The following AMACR variants were observed in gnomAD, a reference collection of about 807,000 sequenced individuals.
AMACR encodes alpha-methylacyl-CoA racemase.
A neutral mutation model predicts 22.2 loss-of-function variants in AMACR; 18 were observed. The observed-to-expected ratio is 0.81, with a 90% CI of 0.56 to 1.20. AMACR has a LOEUF of 1.20. AMACR is among the 50% of genes most tolerant of loss of function. The probability of loss-of-function intolerance (pLI) is 0.00; values close to 1 mark genes in which losing one functional copy is unlikely to be tolerated. For synonymous variants in AMACR, 213 were observed against 191.3 expected, an observed-to-expected ratio of 1.11 and a Z score of -0.94; for missense variants, 499 against 490.6, an observed-to-expected ratio of 1.02 and a Z score of -0.16.
chr5:33,987,737 C>T lies in AMACR; in HGVS notation c.*1356G>A, dbSNP rs1179085126. 6.6e-6 allele frequency: 1 copy of T among 152,196 alleles called. No homozygotes were observed. The highest frequency in any genetic ancestry group is 1.5e-5 in the Non-Finnish European group (1 of 68,050). 9.4% of individuals were successfully genotyped at this position (152,196 alleles called of 1,614,324 possible). ...TTGCACAGTGTCCAATAGGTGCATA[C>T]ATCTCCTTAGTAAGTAGTTGTGATT... is the stretch of plus-strand genomic sequence containing the variant. On this transcript the variant is annotated 3_prime_UTR_variant, in exon 5 of 5. Transcript: ENST00000335606.
chr5:33,997,693 A>G, intron 4 of AMACR: 1 of 638,818 alleles, frequency 1.6e-6, no homozygotes, highest in Non-Finnish European at 2.8e-6. Context: ...ACAGAGAGGT[A>G]CCCTTTATGA....
In AMACR at chr5:34,004,688, C is replaced by T. The variant is rs140523570; in HGVS notation, c.438G>A (p.Pro146=). ...IGRSGENPYA[P]LNLLADFAGG... Reference sequence around the variant, plus strand: ...CAGCAAAGTCAGCCAGGAGATTCAGCGGGGCATACGGATTCTCACCACTTC... The same window carrying T: ...CAGCAAAGTCAGCCAGGAGATTCAGTGGGGCATACGGATTCTCACCACTTC... The change falls in exon 3 of 5, where the codon CCG becomes CCA. Residue 146 remains proline (P), a synonymous_variant. Transcript: ENST00000335606. 632 of 1,614,130 alleles carry T rather than the reference C, an allele frequency of 3.9e-4. 4 individuals are homozygous for T. In the East Asian group the frequency reaches 0.013, roughly 33 times the overall value.
chr5:33,991,726 TTTA>T (rs60157743), intron 4 of AMACR, among the ~76,000 whole-genome samples: 125 of 145,198 alleles, frequency 8.6e-4, no homozygotes, highest in African/African-American at 2.5e-3. Flanking sequence ...TAAACACTAT[TTTA>T]TTATTATTAT....
chr5:34,006,212 G>T (rs1413320254), intron 1 of AMACR, among the ~76,000 whole-genome samples: 1 of 151,948 alleles, frequency 6.6e-6, no homozygotes, highest in Non-Finnish European at 1.5e-5. Context: ...TTTCTATACC[G>T]CATCAGTGTT....
chr5:33,986,982 T>A lies in AMACR; in HGVS notation c.*2111A>T, dbSNP rs1753310963. ...CTGGACCGAGTTCAAATGAAAAGTCTGAGTTGTAGGGAAAACATCTTTTTT... is the reference window on the plus strand; with the variant it reads ...CTGGACCGAGTTCAAATGAAAAGTCAGAGTTGTAGGGAAAACATCTTTTTT... On this transcript the variant is annotated 3_prime_UTR_variant, in exon 5 of 5. Transcript: ENST00000335606. The A allele has an allele frequency of 6.6e-6, 1 of 152,194 alleles. No individual in the cohort carries two copies. The highest frequency in any genetic ancestry group is 2.4e-5 in the African/African-American group (1 of 41,450). The allele number at this position is 152,194 out of a possible 1,614,324, so 9.4% of individuals were successfully genotyped here. A position where few individuals can be genotyped will look rare whatever the true frequency, so the allele number is the denominator to read the frequency against.
At chr5:33,997,887 G>A (rs954419769) in intron 4 of AMACR, among the ~76,000 whole-genome samples, 4 of 152,166 alleles carry the variant, frequency 2.6e-5, no homozygotes, top group Non-Finnish European at 1.5e-5. Context: ...ATAACTTTTA[G>A]TATATGCATC....
At position 33,988,276 on chromosome 5, in the gene AMACR, A is replaced by G; in HGVS notation, c.*817T>C. The G allele has an allele frequency of 6.5e-7, 1 of 1,527,070 alleles. No homozygotes were observed. The highest frequency in any genetic ancestry group is 8.8e-7 in the Non-Finnish European group (1 of 1,137,722). 94.6% of individuals were successfully genotyped at this position (1,527,070 alleles called of 1,614,324 possible). A position where few individuals can be genotyped will look rare whatever the true frequency, so the allele number is the denominator to read the frequency against. Reference sequence around the variant, plus strand: ...GTAACTTAACTCAGTCCAAGGAGACACAAAACGACTTGCTGGGGGGTCCTG... The same window carrying G: ...GTAACTTAACTCAGTCCAAGGAGACGCAAAACGACTTGCTGGGGGGTCCTG... On this transcript the variant is annotated 3_prime_UTR_variant, in exon 5 of 5. Coordinates refer to ENST00000335606, the MANE Select transcript of AMACR (RefSeq NM_014324.6).
In AMACR at chr5:33,988,740, G is replaced by A; in HGVS notation, c.*353C>T. On this transcript the variant is annotated 3_prime_UTR_variant, in exon 5 of 5. Coordinates refer to ENST00000335606, the MANE Select transcript of AMACR (RefSeq NM_014324.6). ...TTTTCTACATTGTAGAATCAAGAGT[G>A]TAAATAAATGTATATCGATGTCTTC... The A allele has an allele frequency of 2.5e-6, 3 of 1,195,572 alleles. No individual in the cohort carries two copies. The South Asian group carries it at 6.7e-5, about 27-fold the overall frequency. The allele number at this position is 1,195,572 out of a possible 1,614,324, so 74.1% of individuals were successfully genotyped here.
In AMACR at chr5:34,005,917, G is replaced by A. The variant is rs534775074; in HGVS notation, c.248-18C>T. 224 of 1,613,608 alleles carry A rather than the reference G, an allele frequency of 1.4e-4. 2 individuals are homozygous for A. The South Asian group carries it at 2.1e-3, about 15-fold the overall frequency. The stretch of plus-strand genomic sequence containing the variant: ...CATGACACCTTAAGAGAAAAGTAAC[G>A]ATCTTCTTAAGAGAGTATGAATTGA... On this transcript the variant is annotated intron_variant, in intron 1 of 4. Transcript: ENST00000335606.
In AMACR at chr5:34,007,961, C is replaced by T; in HGVS notation, c.59G>A (p.Cys20Tyr). 8 of 1,611,580 alleles carry T rather than the reference C, an allele frequency of 5.0e-6. No homozygotes were observed. In the South Asian group the frequency reaches 6.6e-5, roughly 13 times the overall value. The change falls in exon 1 of 5, where the codon TGT becomes TAT. Residue 20 changes from cysteine to tyrosine, a missense_variant. By Grantham distance (194) the Cys-to-Tyr change is radical. Transcript: ENST00000335606. The part of the protein sequence containing the change: ...ELSGLAPGPF[C>Y]AMVLADFGAR... ...CCCGAAGTCAGCCAGGACCATAGCA[C>T]AGAACGGGCCCGGGGCCAGGCCGGA...
chr5:33,999,899 T>C (rs1753761807), intron 3 of AMACR, among the ~76,000 whole-genome samples: 1 of 152,230 alleles, frequency 6.6e-6, no homozygotes, highest in Non-Finnish European at 1.5e-5. Context: ...ACAGAGATAT[T>C]AGAGTTCCAC....
At chr5:33,997,473 G>T (rs757142618) in intron 4 of AMACR, 1 of 779,422 alleles carries the variant, frequency 1.3e-6, no homozygotes, top group African/African-American at 1.7e-5. Flanking sequence ...TGCCTGGCAC[G>T]ATACTGCTTC....
intron 4 of AMACR, among the ~76,000 whole-genome samples, chr5:33,991,349 G>C (rs768645513): frequency 6.6e-6 from 1 of 152,116 alleles, no homozygotes; most frequent in Admixed American, 6.6e-5. Context: ...TGAGCTGTTT[G>C]CTGTGCTCCT....
intron 4 of AMACR, chr5:33,996,882 A>G (rs988408875): frequency 5.3e-6 from 2 of 376,546 alleles, no homozygotes; most frequent in Non-Finnish European, 9.5e-6. Flanking sequence ...ATGCCAAAGA[A>G]TACAGATTTA....
chr5:34,004,444 T>A, intron 3 of AMACR, 130 bp downstream of exon 3: 1 of 1,186,308 alleles, frequency 8.4e-7, no homozygotes. Context: ...GAAAAGGATA[T>A]CCTTGGTAAC....
At chr5:34,007,657 A>G in intron 1 of AMACR, 116 bp downstream of exon 1, 4 of 1,388,252 alleles carry the variant, frequency 2.9e-6, no homozygotes, top group Non-Finnish European at 2.8e-6. Flanking sequence ...GCTGGGGCCG[A>G]CAAGGGTTCT....
intron 3 of AMACR, among the ~76,000 whole-genome samples, chr5:34,003,235 A>G (rs1369543208): frequency 6.6e-6 from 1 of 152,010 alleles, no homozygotes; most frequent in Non-Finnish European, 1.5e-5. Flanking sequence ...ATGGCTCCCA[A>G]ATAACTCCGA....
intron 4 of AMACR, among the ~76,000 whole-genome samples, chr5:33,990,959 A>C (rs1341492057): frequency 6.6e-6 from 1 of 152,260 alleles, no homozygotes; most frequent in African/African-American, 2.4e-5. Context: ...TATCACTATA[A>C]TCTACAGGAT....
chr5:33,994,176 TTAC>T, intron 4 of AMACR: 1 of 416,982 alleles, frequency 2.4e-6, no homozygotes, highest in Non-Finnish European at 4.8e-6. Context: ...TCAAAAATTA[TTAC>T]TATTATTGTT....
Sources: gnomAD v4.1 joint callset for allele counts (sites outside exome capture counted in the v4.1 genomes callset) on GRCh38, gnomAD v4.1.1 for gene constraint, MANE v1.5 for transcripts, NCBI Gene and HGNC (gene_info 2026-07-23, HGNC 2026-07-21) for gene names.